The following TRAPPC9 variants were observed in gnomAD, a reference collection of about 807,000 sequenced individuals.
TRAPPC9 encodes IKK2 binding protein.
In TRAPPC9, 83 loss-of-function variants were observed where a neutral mutation model predicts 124.0. The ratio of observed to expected loss-of-function variants is 0.67; its 90% CI spans 0.56 to 0.80. The LOEUF is 0.80. Among genes scored for constraint, TRAPPC9 ranks in the 30% least tolerant of loss-of-function variants. The probability of loss-of-function intolerance (pLI) is 0.00; values close to 1 mark genes in which losing one functional copy is unlikely to be tolerated. For synonymous variants in TRAPPC9, 638 were observed against 617.5 expected (o/e 1.03, Z -0.49); for missense variants, 1,302 against 1,508.3 (o/e 0.86, Z 2.27).
chr8:140,071,231 T>C (rs1843143145), intron 17 of TRAPPC9, among the ~76,000 whole-genome samples: 1 of 152,224 alleles, frequency 6.6e-6, no homozygotes, highest in African/African-American at 2.4e-5. Flanking sequence ...CAGCTTGTGG[T>C]TGTGCCTGAT....
At chr8:140,266,506 C>T (rs72690642) in intron 15 of TRAPPC9, among the ~76,000 whole-genome samples, 16,744 of 149,612 alleles carry the variant, frequency 0.11, 1,144 homozygotes, top group Admixed American at 0.17. Context: ...TGAATTCAAA[C>T]TAGAAGAATT....
chr8:140,136,095 T>C (rs750443249), intron 17 of TRAPPC9, among the ~76,000 whole-genome samples: 19 of 152,252 alleles, frequency 1.2e-4, no homozygotes, highest in Non-Finnish European at 2.4e-4. Context: ...ACATCTGTTA[T>C]GTTTCCAGTG....
intron 19 of TRAPPC9, among the ~76,000 whole-genome samples, chr8:139,939,404 T>C (rs1306926477): frequency 2.0e-5 from 3 of 152,144 alleles, no homozygotes; most frequent in African/African-American, 7.2e-5. Flanking sequence ...GGGCAGCCCC[T>C]GGCGAGTGAG....
At chr8:140,307,783 C>G (rs2066178073) in intron 10 of TRAPPC9, among the ~76,000 whole-genome samples, 1 of 152,220 alleles carries the variant, frequency 6.6e-6, no homozygotes, top group Non-Finnish European at 1.5e-5. Flanking sequence ...AAAAGATAGA[C>G]ATCTCTAGAC....
intron 17 of TRAPPC9, among the ~76,000 whole-genome samples, chr8:140,100,728 C>A (rs1373883051): frequency 1.3e-5 from 2 of 152,176 alleles, no homozygotes; most frequent in Non-Finnish European, 2.9e-5. Flanking sequence ...GGTGGCCGTG[C>A]GTCTGCGAGC....
chr8:140,195,589 C>A (rs1273849507), intron 17 of TRAPPC9, among the ~76,000 whole-genome samples: 1 of 151,694 alleles, frequency 6.6e-6, no homozygotes, highest in Non-Finnish European at 1.5e-5. Context: ...ACAGATCACA[C>A]CTGTGACACT....
chr8:140,083,373 C>T (rs147901742), intron 17 of TRAPPC9, among the ~76,000 whole-genome samples: 307 of 152,264 alleles, frequency 2.0e-3, no homozygotes, highest in African/African-American at 7.1e-3. Context: ...CTGATAACAT[C>T]GCTGACAGTC....
chr8:139,817,549 C>T (rs1319731740), intron 21 of TRAPPC9, among the ~76,000 whole-genome samples: 1 of 152,256 alleles, frequency 6.6e-6, no homozygotes, highest in Non-Finnish European at 1.5e-5. Context: ...TCCTGGTCTC[C>T]TGCCCCACAG....
intron 17 of TRAPPC9, among the ~76,000 whole-genome samples, chr8:140,102,458 A>G (rs540409015): frequency 6.1e-4 from 92 of 151,710 alleles, no homozygotes; most frequent in African/African-American, 2.1e-3. Flanking sequence ...TAAATAAAAT[A>G]CCAGCCTCCC....
chr8:140,107,603 A>G (rs887420028), intron 17 of TRAPPC9, among the ~76,000 whole-genome samples: 7 of 152,228 alleles, frequency 4.6e-5, no homozygotes, highest in African/African-American at 1.7e-4. Context: ...GTGACACCTG[A>G]GAATGGAGGA....
At chr8:139,957,834 G>C (rs1175298357) in intron 19 of TRAPPC9, among the ~76,000 whole-genome samples, 1 of 152,196 alleles carries the variant, frequency 6.6e-6, no homozygotes, top group African/African-American at 2.4e-5. Flanking sequence ...CATCACAAAG[G>C]GCTTGCCAAC....
chr8:139,992,999 C>A (rs1373196525), intron 18 of TRAPPC9, among the ~76,000 whole-genome samples: 1 of 152,038 alleles, frequency 6.6e-6, no homozygotes. Flanking sequence ...AAAAGAAAGA[C>A]TTCTCAAATG....
At chr8:140,045,955 A>G (rs1157549693) in intron 17 of TRAPPC9, among the ~76,000 whole-genome samples, 2 of 152,184 alleles carry the variant, frequency 1.3e-5, no homozygotes, top group Non-Finnish European at 2.9e-5. Context: ...TCCATAAATC[A>G]GCTGTCCTCT....
chr8:140,312,497 A>T (rs1033825988), intron 9 of TRAPPC9, among the ~76,000 whole-genome samples: 2 of 152,200 alleles, frequency 1.3e-5, no homozygotes, highest in African/African-American at 4.8e-5. Flanking sequence ...ATAATACATT[A>T]AAAAAGCAGT....
chr8:140,258,107 A>G (rs2064311793), intron 15 of TRAPPC9, among the ~76,000 whole-genome samples: 1 of 152,230 alleles, frequency 6.6e-6, no homozygotes, highest in African/African-American at 2.4e-5. Flanking sequence ...ACAAGACAAC[A>G]AAGTATGTCA....
chr8:140,121,502 G>T (rs1353066171), intron 17 of TRAPPC9, among the ~76,000 whole-genome samples: 10 of 152,330 alleles, frequency 6.6e-5, no homozygotes, highest in African/African-American at 2.4e-4. Context: ...AGAAAGTGCT[G>T]CAGTGACCCA....
At chr8:139,901,349 T>C (rs1831007920) in intron 20 of TRAPPC9, among the ~76,000 whole-genome samples, 1 of 152,244 alleles carries the variant, frequency 6.6e-6, no homozygotes, top group Non-Finnish European at 1.5e-5. Context: ...CTGCTTTAAA[T>C]GATTAATGAG....
chr8:139,897,626 C>T (rs895022525), intron 20 of TRAPPC9, among the ~76,000 whole-genome samples: 1 of 152,214 alleles, frequency 6.6e-6, no homozygotes, highest in African/African-American at 2.4e-5. Context: ...CTCACAACAA[C>T]TTCAGGTTTA....
intron 21 of TRAPPC9, among the ~76,000 whole-genome samples, chr8:139,752,816 A>G (rs1270299446): frequency 6.8e-6 from 1 of 148,126 alleles, no homozygotes; most frequent in African/African-American, 2.5e-5. Context: ...TCTATCCACC[A>G]TCCATCCACC....
Sources: gnomAD v4.1 joint callset for allele counts (sites outside exome capture counted in the v4.1 genomes callset) on GRCh38, gnomAD v4.1.1 for gene constraint, MANE v1.5 for transcripts, NCBI Gene and HGNC (gene_info 2026-07-23, HGNC 2026-07-21) for gene names.